The following CELF2 variants were observed in gnomAD, a reference collection of about 807,000 sequenced individuals.
CELF2 encodes CUG triplet repeat RNA-binding protein 2.
CELF2 carries 8 observed loss-of-function variants against 62.6 expected under a neutral mutation model. That is an observed-to-expected ratio of 0.13 (90% CI 0.07 to 0.23). The LOEUF is 0.23. CELF2 is among the 10% of genes least tolerant of loss of function. The probability of loss-of-function intolerance (pLI) is 1.00; values close to 1 mark genes in which losing one functional copy is unlikely to be tolerated. For missense variants in CELF2, 333 were observed against 671.0 expected (o/e 0.50, Z 5.56); for synonymous variants, 258 against 250.0 (o/e 1.03, Z -0.30).
chr10:11,254,334 T>A (rs2078045477), intron 4 of CELF2, among the ~76,000 whole-genome samples: 1 of 152,252 alleles, frequency 6.6e-6, no homozygotes, highest in East Asian at 1.9e-4. Context: ...GCCCAGCACT[T>A]CTGTGCACAC....
chr10:11,055,499 G>C (rs747623722), intron 1 of CELF2, among the ~76,000 whole-genome samples: 1 of 152,230 alleles, frequency 6.6e-6, no homozygotes, highest in Admixed American at 6.5e-5. Flanking sequence ...ACTCTCAGGT[G>C]CATTTCTCCT....
chr10:11,129,495 A>G (rs947484028), intron 1 of CELF2, among the ~76,000 whole-genome samples: 6 of 152,142 alleles, frequency 3.9e-5, no homozygotes, highest in Admixed American at 6.5e-5. Context: ...TCAGCTGTGA[A>G]TCTGTCTGGT....
chr10:10,490,044 A>T, the CELF2 span, among the ~76,000 whole-genome samples: 1 of 152,012 alleles, frequency 6.6e-6, no homozygotes, highest in Non-Finnish European at 1.5e-5. Context: ...TATCTGAAAC[A>T]TCACATTTGA....
the CELF2 span, among the ~76,000 whole-genome samples, chr10:10,554,618 A>AC: frequency 2.6e-5 from 4 of 152,074 alleles, no homozygotes; most frequent in Admixed American, 2.6e-4. Context: ...CCCTGTGGTG[A>AC]CCCTGGCTGA....
chr10:10,466,177 C>T, the CELF2 span, among the ~76,000 whole-genome samples: 1 of 152,122 alleles, frequency 6.6e-6, no homozygotes, highest in Non-Finnish European at 1.5e-5. Flanking sequence ...CAGAGAGTTT[C>T]CATTCGTACA....
intron 2 of CELF2, among the ~76,000 whole-genome samples, chr10:11,180,451 G>A (rs1402488856): frequency 6.6e-6 from 1 of 152,210 alleles, no homozygotes; most frequent in East Asian, 1.9e-4. Context: ...AGGTCGTGGA[G>A]GCAGAGCAGT....
At chr10:10,910,835 C>T (rs774780007) in intron 1 of CELF2, among the ~76,000 whole-genome samples, 1 of 151,854 alleles carries the variant, frequency 6.6e-6, no homozygotes, top group African/African-American at 2.4e-5. Context: ...GTAAGTGAAA[C>T]TTCATGTGAC....
chr10:10,693,520 C>T, the CELF2 span, among the ~76,000 whole-genome samples: 1 of 151,588 alleles, frequency 6.6e-6, no homozygotes, highest in Non-Finnish European at 1.5e-5. Context: ...ATGATGCTGG[C>T]CTCATAAAAT....
chr10:10,599,663 C>T, the CELF2 span, among the ~76,000 whole-genome samples: 5 of 151,646 alleles, frequency 3.3e-5, no homozygotes, highest in East Asian at 3.9e-4. Context: ...AAACCACCTG[C>T]GACGTGTTTT....
intron 2 of CELF2, among the ~76,000 whole-genome samples, chr10:11,175,347 C>G (rs1348705214): frequency 6.6e-6 from 1 of 151,966 alleles, no homozygotes; most frequent in Non-Finnish European, 1.5e-5. Flanking sequence ...GGGGGAAAGG[C>G]TGTAGCAAGA....
At chr10:11,250,951 C>G (rs1245994510) in intron 4 of CELF2, among the ~76,000 whole-genome samples, 1 of 152,186 alleles carries the variant, frequency 6.6e-6, no homozygotes, top group Non-Finnish European at 1.5e-5. Context: ...CCTTTCAGCC[C>G]TTGTGCTCCA....
At chr10:10,634,113 A>G in the CELF2 span, among the ~76,000 whole-genome samples, 5 of 152,214 alleles carry the variant, frequency 3.3e-5, no homozygotes, top group East Asian at 5.8e-4. Context: ...TTGATACTTT[A>G]ATTGAGTTAC....
intron 1 of CELF2, among the ~76,000 whole-genome samples, chr10:11,097,710 G>A (rs1341623353): frequency 1.3e-5 from 2 of 152,096 alleles, no homozygotes; most frequent in African/African-American, 4.8e-5. Flanking sequence ...TGCCTTTTTG[G>A]TTTTAGGATC....
the CELF2 span, among the ~76,000 whole-genome samples, chr10:10,739,491 G>T: frequency 6.6e-6 from 1 of 152,162 alleles, no homozygotes; most frequent in Non-Finnish European, 1.5e-5. Context: ...GCAAAAAATG[G>T]TAGAGTTCCC....
chr10:11,209,637 T>G (rs1323092351), intron 2 of CELF2, among the ~76,000 whole-genome samples: 5 of 149,186 alleles, frequency 3.4e-5, no homozygotes, highest in Admixed American at 2.0e-4. Flanking sequence ...TTTTGATGGG[T>G]TTTTTTTTAA....
intron 2 of CELF2, among the ~76,000 whole-genome samples, chr10:10,975,051 G>C (rs1451087129): frequency 6.6e-6 from 1 of 152,164 alleles, no homozygotes; most frequent in East Asian, 1.9e-4. Context: ...AGGAGCACAG[G>C]TTTTAGATTT....
the CELF2 span, among the ~76,000 whole-genome samples, chr10:10,684,850 G>T: frequency 6.6e-6 from 1 of 152,144 alleles, no homozygotes; most frequent in Non-Finnish European, 1.5e-5. Flanking sequence ...AGAAACAGGT[G>T]CATAGTCAAC....
chr10:10,963,104 G>A (rs1410772807), intron 2 of CELF2, among the ~76,000 whole-genome samples: 1 of 151,996 alleles, frequency 6.6e-6, no homozygotes, highest in African/African-American at 2.4e-5. Flanking sequence ...GCAGTGTCAT[G>A]ATCTCGGCTC....
At chr10:11,134,821 A>G (rs1203530321) in intron 1 of CELF2, among the ~76,000 whole-genome samples, 1 of 152,134 alleles carries the variant, frequency 6.6e-6, no homozygotes, top group Non-Finnish European at 1.5e-5. Context: ...GTTCCTCCTG[A>G]TAGGAAGTGG....
Sources: gnomAD v4.1 joint callset for allele counts (sites outside exome capture counted in the v4.1 genomes callset) on GRCh38, gnomAD v4.1.1 for gene constraint, MANE v1.5 for transcripts, NCBI Gene and HGNC (gene_info 2026-07-23, HGNC 2026-07-21) for gene names.